The following DIAPH2 variants were observed in gnomAD, a reference collection of about 807,000 sequenced individuals.
DIAPH2 encodes the protein protein diaphanous homolog 2.
Under a neutral mutation model 92.7 loss-of-function variants are expected in DIAPH2, and 35 were observed. That is an observed-to-expected ratio of 0.38 (90% CI 0.29 to 0.50). DIAPH2 has a LOEUF of 0.50. DIAPH2 is among the 20% of genes least tolerant of loss of function. The pLI is 0.94. For synonymous variants in DIAPH2, 301 were observed against 280.4 expected (o/e 1.07, Z -0.73); for missense variants, 701 against 819.5 (o/e 0.86, Z 1.77).
At chrX:96,884,311 A>T (rs1202702667) in intron 5 of DIAPH2, 1 of 1,204,196 alleles carries the variant, frequency 8.3e-7, no homozygotes, top group Non-Finnish European at 1.1e-6. Context: ...TGTCTTGAAG[A>T]TGAGTAAGAG....
chrX:96,828,344 G>A (rs754365649), intron 4 of DIAPH2, among the ~76,000 whole-genome samples: 39 of 111,533 alleles, frequency 3.5e-4, no homozygotes, highest in Middle Eastern at 9.3e-3. Context: ...TCTTGATTTG[G>A]CCGAAGTCTT....
intron 5 of DIAPH2, among the ~76,000 whole-genome samples, chrX:96,911,801 G>T (rs970629785): frequency 3.0e-4 from 33 of 111,588 alleles, no homozygotes; most frequent in South Asian, 1.1e-3. Context: ...CATGAGGCTA[G>T]TTGCTTAGTT....
At chrX:97,300,636 A>C (rs1459653340) in intron 23 of DIAPH2, among the ~76,000 whole-genome samples, 1 of 99,684 alleles carries the variant, frequency 1.0e-5, no homozygotes, top group Admixed American at 1.1e-4. Context: ...AAAAAAAAAC[A>C]AGAAGAATGT....
At chrX:96,701,847 A>C (rs1218660097) in intron 1 of DIAPH2, among the ~76,000 whole-genome samples, 2 of 111,713 alleles carry the variant, frequency 1.8e-5, no homozygotes, top group African/African-American at 6.5e-5. Flanking sequence ...CACCTACAGT[A>C]TTTCAGGTGT....
At chrX:97,482,238 A>G (rs1291851872) in intron 26 of DIAPH2, among the ~76,000 whole-genome samples, 2 of 112,335 alleles carry the variant, frequency 1.8e-5, no homozygotes, top group African/African-American at 6.5e-5. Flanking sequence ...CTAGGATATA[A>G]TAACATTTTA....
In DIAPH2 at chrX:97,239,998, A is replaced by G. The variant is rs976017547; in HGVS notation, c.2720-7717A>G. On this transcript the variant is annotated intron_variant, in intron 22 of 26. Transcript: ENST00000324765. ...TATTAATTGATTGCCAACTCTTAAG[A>G]TTGAGGCAAATGTGTTCAAGGCAAT... Among the ~76,000 whole-genome samples, 5 of 111,062 alleles carry G rather than the reference A, an allele frequency of 4.5e-5. No homozygotes were observed. In the Admixed American group the frequency reaches 4.9e-4, roughly 11 times the overall value.
chrX:97,237,803 C>A (rs1306951303), intron 22 of DIAPH2, among the ~76,000 whole-genome samples: 2 of 110,621 alleles, frequency 1.8e-5, no homozygotes, highest in African/African-American at 6.6e-5. Context: ...GGATGGTCTC[C>A]ATCTCCTGAC....
At chrX:96,729,791 G>A (rs1602460008) in intron 1 of DIAPH2, among the ~76,000 whole-genome samples, 1 of 112,146 alleles carries the variant, frequency 8.9e-6, no homozygotes, top group East Asian at 2.8e-4. Context: ...AAAGAACTCT[G>A]GTGGGTTAAA....
At chrX:96,783,040 A>G (rs773251657) in intron 4 of DIAPH2, among the ~76,000 whole-genome samples, 2 of 112,194 alleles carry the variant, frequency 1.8e-5, no homozygotes, top group South Asian at 3.7e-4. Context: ...TAATCATTCA[A>G]TGCGTACGAT....
At chrX:96,969,478 A>ATT (rs145025686) in intron 17 of DIAPH2, among the ~76,000 whole-genome samples, 9 of 95,563 alleles carry the variant, frequency 9.4e-5, no homozygotes, top group African/African-American at 1.9e-4. Context: ...TAGGTATTTC[A>ATT]TTTTTTTTTT....
chrX:97,007,476 A>G (rs1233330382), intron 17 of DIAPH2, among the ~76,000 whole-genome samples: 1 of 110,686 alleles, frequency 9.0e-6, no homozygotes, highest in Admixed American at 9.7e-5. Context: ...CACTGTATAT[A>G]TGTCATGCCA....
chrX:97,595,806 A>AT (rs2071547466), intron 26 of DIAPH2, among the ~76,000 whole-genome samples: 1 of 110,426 alleles, frequency 9.1e-6, no homozygotes, highest in Non-Finnish European at 1.9e-5. Context: ...CTAATTTTGT[A>AT]TTTTTAGTAG....
intron 23 of DIAPH2, among the ~76,000 whole-genome samples, chrX:97,267,935 C>T (rs1043265823): frequency 9.0e-6 from 1 of 111,549 alleles, no homozygotes; most frequent in Non-Finnish European, 1.9e-5. Context: ...ATGGTCTCCA[C>T]CCCTTAATAA....
chrX:96,788,433 T>C (rs2064475056), intron 4 of DIAPH2, among the ~76,000 whole-genome samples: 1 of 112,012 alleles, frequency 8.9e-6, no homozygotes, highest in African/African-American at 3.2e-5. Context: ...TACTTAGTTG[T>C]TAGCCAGTAA....
In DIAPH2 at chrX:96,957,907, C is replaced by A. The variant is rs752447041; in HGVS notation, c.1694C>A (p.Pro565Gln). ...PPLPGVGPPP[P>Q]PPAPPLPGGA... ...TTGCCAGGTGTAGGGCCGCCTCCAC[C>A]ACCACCCGCGCCACCTCTACCCGGA... The change falls in exon 16 of 27, where the codon CCA (proline) becomes CAA (glutamine). Residue 565 changes from proline to glutamine, a missense_variant. By Grantham distance (76) the Pro-to-Gln change is moderately conservative. Transcript: ENST00000324765. 2 of 1,210,857 alleles carry A rather than the reference C, an allele frequency of 1.7e-6. No individual in the cohort carries two copies. Among genetic ancestry groups the A allele is most frequent in the Admixed American group, 4.4e-5 (2 of 45,932 alleles).
At chrX:97,252,456 C>T (rs1486088817) in intron 23 of DIAPH2, among the ~76,000 whole-genome samples, 1 of 111,773 alleles carries the variant, frequency 8.9e-6, no homozygotes, top group Non-Finnish European at 1.9e-5. Context: ...GCACATTATC[C>T]TTTCCAGATA....
At chrX:96,840,670 G>A (rs1032842650) in intron 4 of DIAPH2, among the ~76,000 whole-genome samples, 8 of 110,692 alleles carry the variant, frequency 7.2e-5, no homozygotes, top group Admixed American at 3.8e-4. Context: ...GTGCAGTGGC[G>A]TGATCTCGGC....
At chrX:97,542,930 C>A (rs202193046) in intron 26 of DIAPH2, among the ~76,000 whole-genome samples, 1 of 112,094 alleles carries the variant, frequency 8.9e-6, no homozygotes, top group East Asian at 2.8e-4. Flanking sequence ...ACCAACAAGA[C>A]AAGAGTAGAA....
At chrX:97,249,797 C>A (rs2068173178) in intron 23 of DIAPH2, among the ~76,000 whole-genome samples, 1 of 111,856 alleles carries the variant, frequency 8.9e-6, no homozygotes, top group Non-Finnish European at 1.9e-5. Flanking sequence ...ATACTTGATC[C>A]TGTTTTAAAA....
Sources: gnomAD v4.1 joint callset for allele counts (sites outside exome capture counted in the v4.1 genomes callset) on GRCh38, gnomAD v4.1.1 for gene constraint, MANE v1.5 for transcripts, NCBI Gene and HGNC (gene_info 2026-07-23, HGNC 2026-07-21) for gene names.